TRNT1: variants seen among roughly 807,000 people sequenced by gnomAD.
TRNT1 encodes the protein CCA tRNA nucleotidyltransferase 1, mitochondrial.
TRNT1 carries 44 observed loss-of-function variants against 45.6 expected under a neutral mutation model. That is an observed-to-expected ratio of 0.97 (90% CI 0.76 to 1.24). The LOEUF (loss-of-function observed/expected upper bound fraction) is 1.24. Ranked by LOEUF, TRNT1 falls within the 50% of genes most tolerant of loss-of-function variation. The pLI is 0.00. For missense variants in TRNT1, 633 were observed against 504.4 expected, an observed-to-expected ratio of 1.25 and a Z score of -2.44; for synonymous variants, 201 against 171.4, an observed-to-expected ratio of 1.17 and a Z score of -1.35.
At chr3:3,153,213 C>T (rs1392554671), downstream of TRNT1, 1 of 515,084 alleles carries the variant, frequency 1.9e-6, no homozygotes, top group East Asian at 3.4e-5. Flanking sequence ...TTACCATGCT[C>T]ATTACCTGTG....
downstream of TRNT1, chr3:3,149,661 T>TAA (rs1274983378): frequency 2.0e-5 from 3 of 151,582 alleles, no homozygotes; most frequent in Non-Finnish European, 4.4e-5. Flanking sequence ...ATTAAAGTAG[T>TAA]AAAAGTAGAC....
At chr3:3,143,356 A>G (rs1330415072) in intron 4 of TRNT1, among the ~76,000 whole-genome samples, 1 of 152,212 alleles carries the variant, frequency 6.6e-6, no homozygotes, top group East Asian at 1.9e-4. Context: ...TATATATAAA[A>G]TTAGTTTTAT....
At chr3:3,143,704 C>A (rs1321316375) in intron 4 of TRNT1, among the ~76,000 whole-genome samples, 2 of 38,946 alleles carry the variant, frequency 5.1e-5, no homozygotes, top group Non-Finnish European at 2.5e-4. Context: ...TTGCCGAAAC[C>A]CTGTCTCTAC....
At chr3:3,149,627 G>C (rs1055374613), downstream of TRNT1, 3 of 152,102 alleles carry the variant, frequency 2.0e-5, no homozygotes, top group African/African-American at 7.2e-5. Context: ...AACCAGACCA[G>C]TGAAGTCACA....
At chr3:3,141,300 T>C (rs1415372566) in intron 4 of TRNT1, among the ~76,000 whole-genome samples, 1 of 152,050 alleles carries the variant, frequency 6.6e-6, no homozygotes, top group Non-Finnish European at 1.5e-5. Context: ...GGAAGAGAAG[T>C]GCACACACAC....
intron 6 of TRNT1, 109 bp from the exon 7 acceptor site, chr3:3,147,341 T>C: frequency 8.0e-7 from 1 of 1,242,634 alleles, no homozygotes; most frequent in Non-Finnish European, 1.1e-6. Flanking sequence ...CTATATAATG[T>C]ATCCTAGTGA....
rs1706199767 is a variant in TRNT1, at chr3:3,148,246, AAAGACAGTT to A, written c.*93_*101del. 1.4e-6 allele frequency: 2 copies of A among 1,432,694 alleles called. No homozygotes were observed. Among genetic ancestry groups the A allele is most frequent in the Non-Finnish European group, 1.9e-6 (2 of 1,058,486 alleles). 88.7% of individuals were successfully genotyped at this position (1,432,694 alleles called of 1,614,324 possible). A position where few individuals can be genotyped will look rare whatever the true frequency, so the allele number is the denominator to read the frequency against. ...AGGTTTTAGAGACTACACCAGAATAAAAGACAGTTTAGGGGACCTCTGTAGAACAACAAG... is the reference window on the plus strand; with the variant it reads ...AGGTTTTAGAGACTACACCAGAATAATAGGGGACCTCTGTAGAACAACAAG... On this transcript the variant is annotated 3_prime_UTR_variant, in exon 8 of 8. Transcript: ENST00000251607.
At chr3:3,135,930 A>T (rs753836962) in intron 2 of TRNT1, among the ~76,000 whole-genome samples, 1 of 152,180 alleles carries the variant, frequency 6.6e-6, no homozygotes, top group Non-Finnish European at 1.5e-5. Context: ...ATGACTTCTT[A>T]TAGGAGTTGG....
At chr3:3,130,072 T>G (rs974207733) in intron 2 of TRNT1, 1 of 1,123,084 alleles carries the variant, frequency 8.9e-7, no homozygotes, top group Non-Finnish European at 1.3e-6. Flanking sequence ...TAGTGTTGAT[T>G]CTCAATGTTG....
At chr3:3,129,989 A>C in intron 2 of TRNT1, 3 of 1,549,506 alleles carry the variant, frequency 1.9e-6, no homozygotes, top group Non-Finnish European at 2.6e-6. Context: ...ACGTTGCAAA[A>C]CCTGTCTGGA....
chr3:3,128,054 C>T (rs1008975608), intron 1 of TRNT1: 7 of 152,166 alleles, frequency 4.6e-5, no homozygotes, highest in African/African-American at 1.7e-4. Context: ...GTGCATTGAT[C>T]TAAAGATACA....
At chr3:3,150,671 A>ATGCT (rs1706462825), downstream of TRNT1, 1 of 561,520 alleles carries the variant, frequency 1.8e-6, no homozygotes, top group Non-Finnish European at 3.1e-6. Flanking sequence ...ACTGCCGTTC[A>ATGCT]TGCTTGTTTC....
intron 2 of TRNT1, among the ~76,000 whole-genome samples, chr3:3,135,734 A>G (rs1264267453): frequency 6.6e-6 from 1 of 152,158 alleles, no homozygotes; most frequent in Non-Finnish European, 1.5e-5. Context: ...AGTTGTGATT[A>G]GAGGTGCTGG....
chr3:3,153,336 C>G (rs1182983870), downstream of TRNT1: 3 of 806,940 alleles, frequency 3.7e-6, no homozygotes, highest in Non-Finnish European at 6.5e-6. Context: ...CTTTAAGGTA[C>G]TGGAGGAAAG....
At chr3:3,150,941 G>A (rs1367633045), downstream of TRNT1, 6 of 1,613,850 alleles carry the variant, frequency 3.7e-6, no homozygotes, top group South Asian at 1.1e-5. Flanking sequence ...AGCAGATCGC[G>A]TTAAGCCCCA....
At chr3:3,146,672 G>A (rs1380496487) in intron 6 of TRNT1, 49 bp downstream of exon 6, 3 of 1,446,538 alleles carry the variant, frequency 2.1e-6, no homozygotes, top group Non-Finnish European at 2.8e-6. Flanking sequence ...GAAATATCTG[G>A]TTTCAAATTT....
chr3:3,145,659 T>C (rs952413119), intron 5 of TRNT1: 1 of 152,188 alleles, frequency 6.6e-6, no homozygotes, highest in Non-Finnish European at 1.5e-5. Context: ...ATATTCATTT[T>C]TCACTGGTTG....
intron 1 of TRNT1, 183 bp downstream of exon 1, chr3:3,127,173 A>C (rs1704634912): frequency 6.6e-6 from 1 of 152,282 alleles, no homozygotes; most frequent in South Asian, 2.1e-4. Flanking sequence ...TGTCCCCGCC[A>C]CGTTTCCGGC....
At chr3:3,151,481 C>A (rs988261632), downstream of TRNT1, among the ~76,000 whole-genome samples, 3 of 123,814 alleles carry the variant, frequency 2.4e-5, no homozygotes, top group Non-Finnish European at 5.4e-5. Context: ...AGGAAGGACA[C>A]GTCTCAAAAA....
Sources: gnomAD v4.1 joint callset for allele counts (sites outside exome capture counted in the v4.1 genomes callset) on GRCh38, gnomAD v4.1.1 for gene constraint, MANE v1.5 for transcripts, NCBI Gene and HGNC (gene_info 2026-07-23, HGNC 2026-07-21) for gene names.